CCSER1: variants seen among roughly 807,000 people sequenced by gnomAD.
The protein encoded by CCSER1 is coiled-coil serine rich protein 1, also known as serine-rich coiled-coil domain-containing protein 1.
In CCSER1, 41 loss-of-function variants were observed where a neutral mutation model predicts 82.0. The ratio of observed to expected loss-of-function variants is 0.50; its 90% CI spans 0.39 to 0.65. The LOEUF (loss-of-function observed/expected upper bound fraction) is 0.65, where lower values mean the gene tolerates loss of function less well. Among genes scored for constraint, CCSER1 ranks in the 30% least tolerant of loss-of-function variants. The pLI is 0.00. For missense variants in CCSER1, 1,119 were observed against 1,064.2 expected (o/e 1.05, Z -0.72); for synonymous variants, 414 against 383.9 (o/e 1.08, Z -0.92).
intron 8 of CCSER1, among the ~76,000 whole-genome samples, chr4:90,903,853 A>T (rs1054480767): frequency 6.6e-6 from 1 of 151,154 alleles, no homozygotes; most frequent in Non-Finnish European, 1.5e-5. Flanking sequence ...AAAAAAAAAT[A>T]GGTAAGACAG....
intron 9 of CCSER1, among the ~76,000 whole-genome samples, chr4:90,980,558 G>A (rs1389867119): frequency 2.0e-5 from 3 of 151,784 alleles, no homozygotes; most frequent in Non-Finnish European, 2.9e-5. Flanking sequence ...GTAGAAACTG[G>A]CAGACTAGTT....
At chr4:91,107,642 T>C (rs1366585944) in intron 10 of CCSER1, among the ~76,000 whole-genome samples, 3 of 94,752 alleles carry the variant, frequency 3.2e-5, no homozygotes, top group South Asian at 5.0e-4. Context: ...TTTTTCTCTT[T>C]TTTTTTTTTT....
intron 9 of CCSER1, among the ~76,000 whole-genome samples, chr4:90,983,621 A>G (rs1046225044): frequency 2.0e-5 from 3 of 151,744 alleles, no homozygotes; most frequent in African/African-American, 7.2e-5. Flanking sequence ...CAAGACTAAC[A>G]ATCCAAATTA....
chr4:90,567,307 A>ATTTTTT (rs34947960), intron 5 of CCSER1, among the ~76,000 whole-genome samples: 7 of 138,728 alleles, frequency 5.0e-5, no homozygotes, highest in South Asian at 2.3e-4. Context: ...TTGTCTCTGG[A>ATTTTTT]TTTTTTTTTT....
chr4:91,411,799 G>A (rs1753068536), intron 10 of CCSER1, among the ~76,000 whole-genome samples: 1 of 150,444 alleles, frequency 6.6e-6, no homozygotes, highest in Non-Finnish European at 1.5e-5. Flanking sequence ...TGACCCCCAG[G>A]ATCTTTGCCT....
At chr4:91,169,171 G>A (rs1225818506) in intron 10 of CCSER1, among the ~76,000 whole-genome samples, 6 of 127,574 alleles carry the variant, frequency 4.7e-5, no homozygotes, top group Admixed American at 8.3e-5. Flanking sequence ...CCCCCTCTCC[G>A]AGAAACACCC....
At chr4:91,554,004 T>C (rs940884999) in intron 10 of CCSER1, among the ~76,000 whole-genome samples, 2 of 149,660 alleles carry the variant, frequency 1.3e-5, no homozygotes, top group African/African-American at 5.0e-5. Context: ...GCTTATTTTC[T>C]TAATGTAAGC....
At chr4:90,532,438 T>C (rs1003959822) in intron 5 of CCSER1, among the ~76,000 whole-genome samples, 1 of 152,052 alleles carries the variant, frequency 6.6e-6, no homozygotes, top group Admixed American at 6.6e-5. Flanking sequence ...TCTGCTTTTA[T>C]ACCCACTTTC....
intron 10 of CCSER1, among the ~76,000 whole-genome samples, chr4:91,177,792 G>C (rs1733557296): frequency 2.0e-5 from 3 of 152,076 alleles, no homozygotes; most frequent in Admixed American, 1.3e-4. Flanking sequence ...ATTTTTTGAA[G>C]TGTTTCTTGC....
At chr4:90,771,406 T>C (rs1752139889) in intron 7 of CCSER1, among the ~76,000 whole-genome samples, 1 of 151,672 alleles carries the variant, frequency 6.6e-6, no homozygotes, top group Non-Finnish European at 1.5e-5. Context: ...TTAAAATGTA[T>C]TGACCCATTT....
chr4:90,700,544 G>A (rs925262955), intron 6 of CCSER1, among the ~76,000 whole-genome samples: 11 of 152,120 alleles, frequency 7.2e-5, no homozygotes, highest in Admixed American at 2.0e-4. Context: ...TCTAGTTCTC[G>A]ATCCTTGAGG....
At chr4:90,384,689 GC>G (rs1749742834) in intron 3 of CCSER1, among the ~76,000 whole-genome samples, 1 of 152,004 alleles carries the variant, frequency 6.6e-6, no homozygotes, top group African/African-American at 2.4e-5. Context: ...GTCATCCAAG[GC>G]TTCTCTATGC....
intron 5 of CCSER1, among the ~76,000 whole-genome samples, chr4:90,578,986 T>A (rs1680848987): frequency 6.6e-6 from 1 of 152,308 alleles, no homozygotes; most frequent in Admixed American, 6.5e-5. Flanking sequence ...TTTTAGTGCT[T>A]ATAAAGTATA....
At chr4:90,210,682 C>A (rs758991338) in intron 1 of CCSER1, among the ~76,000 whole-genome samples, 9 of 152,038 alleles carry the variant, frequency 5.9e-5, no homozygotes, top group Non-Finnish European at 1.2e-4. Context: ...TGAGCTCAAG[C>A]AATCCTCTGG....
In CCSER1 at chr4:90,428,209, C is replaced by T. The variant is rs575026745; in HGVS notation, c.1603+28080C>T. 2.6e-5 allele frequency among the ~76,000 whole-genome samples: 4 copies of T among 151,990 alleles called. No homozygotes were observed. The South Asian group carries it at 8.3e-4, about 31-fold the overall frequency. ...CTGAATCTGTCCTTTTTATTTTCCT[C>T]CTTCTACATTACCATCTTTCCCTGA... On this transcript the variant is annotated intron_variant, in intron 4 of 10. Transcript: ENST00000509176.
intron 10 of CCSER1, among the ~76,000 whole-genome samples, chr4:91,408,763 A>C (rs780851766): frequency 1.3e-5 from 2 of 152,350 alleles, no homozygotes; most frequent in Non-Finnish European, 2.9e-5. Context: ...AACAAAGGAA[A>C]ATGTTATATA....
intron 10 of CCSER1, among the ~76,000 whole-genome samples, chr4:91,394,155 A>G (rs1922221): frequency 0.031 from 4,790 of 152,168 alleles, 232 homozygotes; most frequent in African/African-American, 0.11. Context: ...AACACAATGT[A>G]ATACTGTAGT....
At chr4:91,412,177 C>A (rs1429242902) in intron 10 of CCSER1, among the ~76,000 whole-genome samples, 1 of 152,084 alleles carries the variant, frequency 6.6e-6, no homozygotes, top group Non-Finnish European at 1.5e-5. Flanking sequence ...ATCATGGTCC[C>A]AACTCCAGAG....
At chr4:90,930,819 CTTATA>C (rs1010994338) in intron 9 of CCSER1, among the ~76,000 whole-genome samples, 106 of 149,240 alleles carry the variant, frequency 7.1e-4, no homozygotes, top group Admixed American at 1.4e-3. Context: ...TTTTTGTGGA[CTTATA>C]TTAATTTATT....
Sources: gnomAD v4.1 joint callset for allele counts (sites outside exome capture counted in the v4.1 genomes callset) on GRCh38, gnomAD v4.1.1 for gene constraint, MANE v1.5 for transcripts, NCBI Gene and HGNC (gene_info 2026-07-23, HGNC 2026-07-21) for gene names.